Variants in DOCK2 observed in about 807,000 individuals in gnomAD.
DOCK2 encodes the protein dedicator of cytokinesis protein 2.
A neutral mutation model predicts 248.9 loss-of-function variants in DOCK2; 87 were observed. That is an observed-to-expected ratio of 0.35 (90% CI 0.29 to 0.42). The LOEUF (loss-of-function observed/expected upper bound fraction) is 0.42. Among genes scored for constraint, DOCK2 ranks in the 10% least tolerant of loss-of-function variants. The pLI is 1.00. For synonymous variants in DOCK2, 805 were observed against 821.6 expected (o/e 0.98, Z 0.35); for missense variants, 1,747 against 2,300.2 (o/e 0.76, Z 4.92).
At chr5:169,872,824 C>T (rs1408944499) in intron 27 of DOCK2, among the ~76,000 whole-genome samples, 4 of 152,216 alleles carry the variant, frequency 2.6e-5, no homozygotes, top group Non-Finnish European at 1.5e-5. Context: ...GGGCAGATCA[C>T]TTAACCTCTC....
At chr5:169,676,947 C>G (rs1030522587) in intron 6 of DOCK2, among the ~76,000 whole-genome samples, 6 of 152,132 alleles carry the variant, frequency 3.9e-5, no homozygotes. Context: ...CACTGTACAC[C>G]AGGCACCATT....
chr5:169,700,050 T>A lies in DOCK2; in HGVS notation c.1169T>A (p.Ile390Asn). The change falls in exon 13 of 52, where the codon ATC (isoleucine) becomes AAC (asparagine). Residue 390 changes from isoleucine (I) to asparagine (N), a missense_variant. This residue lies in a region of DOCK2 where 375 missense variants were observed against 510.9 expected (regional missense o/e 0.73). Transcript: ENST00000520908. ...ACCATGAAGATGCTGGTGGGTGACA[T>A]CATTCAGATTCGCAAGGACTATCCA... is the stretch of plus-strand genomic sequence containing the variant. Reference protein sequence around the residue: ...WVTMKMLVGDIIQIRKDYPHL... With the variant: ...WVTMKMLVGDNIQIRKDYPHL... The A allele has an allele frequency of 6.2e-7, 1 of 1,613,962 alleles. No individual in the cohort carries two copies. The highest frequency in any genetic ancestry group is 1.1e-5 in the South Asian group (1 of 91,080).
chr5:169,738,473 A>G (rs1378025112), intron 22 of DOCK2, among the ~76,000 whole-genome samples: 1 of 152,194 alleles, frequency 6.6e-6, no homozygotes, highest in Non-Finnish European at 1.5e-5. Context: ...GCAATTCAAG[A>G]TAGTCCCTTC....
At chr5:169,711,213 T>C (rs1761565897) in intron 15 of DOCK2, among the ~76,000 whole-genome samples, 1 of 152,230 alleles carries the variant, frequency 6.6e-6, no homozygotes, top group Admixed American at 6.5e-5. Context: ...AAAATCAGTG[T>C]CCTTCTCTCA....
chr5:169,850,041 C>T (rs751151302), intron 27 of DOCK2, among the ~76,000 whole-genome samples: 2 of 152,060 alleles, frequency 1.3e-5, no homozygotes, highest in Non-Finnish European at 1.5e-5. Context: ...GATTAGATGC[C>T]GAGAGTAAGG....
At chr5:170,057,274 A>G (rs1757164198) in intron 43 of DOCK2, 2 of 434,126 alleles carry the variant, frequency 4.6e-6, no homozygotes, top group Non-Finnish European at 8.5e-6. Flanking sequence ...TCTAATGAAC[A>G]CTGGGAACCC....
At chr5:170,007,671 C>T (rs1755094951) in intron 30 of DOCK2, among the ~76,000 whole-genome samples, 1 of 152,136 alleles carries the variant, frequency 6.6e-6, no homozygotes, top group African/African-American at 2.4e-5. Flanking sequence ...ATCTTTTGAG[C>T]AGTCACCATG....
chr5:170,028,860 G>A (rs547230900), intron 34 of DOCK2, among the ~76,000 whole-genome samples: 1 of 152,050 alleles, frequency 6.6e-6, no homozygotes, highest in East Asian at 1.9e-4. Flanking sequence ...TGTTTTCAAG[G>A]TTCATCCATG....
chr5:169,820,133 T>A (rs1481112397), intron 26 of DOCK2, among the ~76,000 whole-genome samples: 4 of 152,184 alleles, frequency 2.6e-5, no homozygotes, highest in Non-Finnish European at 5.9e-5. Context: ...AAGCTCAAAC[T>A]GGGTGGAGCC....
intron 10 of DOCK2, among the ~76,000 whole-genome samples, chr5:169,696,808 T>C (rs1760657669): frequency 6.6e-6 from 1 of 151,862 alleles, no homozygotes; most frequent in African/African-American, 2.4e-5. Context: ...TGGAGGATGT[T>C]TTACTGAGCT....
chr5:169,974,376 T>A (rs1777637824), intron 27 of DOCK2, among the ~76,000 whole-genome samples: 1 of 152,214 alleles, frequency 6.6e-6, no homozygotes, highest in South Asian at 2.1e-4. Flanking sequence ...TTCTCTTTCT[T>A]CTGGTTTTTT....
chr5:169,650,529 C>T (rs1757745663), intron 1 of DOCK2, among the ~76,000 whole-genome samples: 1 of 152,156 alleles, frequency 6.6e-6, no homozygotes, highest in Non-Finnish European at 1.5e-5. Flanking sequence ...ACCTTAGCTC[C>T]CTCTATTTGA....
chr5:169,941,093 A>G (rs564443224), intron 27 of DOCK2, among the ~76,000 whole-genome samples: 1 of 152,316 alleles, frequency 6.6e-6, no homozygotes, highest in South Asian at 2.1e-4. Flanking sequence ...TGAGTCTTTA[A>G]TCTCACAAAC....
At chr5:169,799,267 A>T (rs1307405996) in intron 25 of DOCK2, among the ~76,000 whole-genome samples, 2 of 152,222 alleles carry the variant, frequency 1.3e-5, no homozygotes, top group Non-Finnish European at 2.9e-5. Flanking sequence ...TTACTTTTCA[A>T]AGAGGAAGAC....
At position 170,033,141 on chromosome 5, in the gene DOCK2, A is replaced by G. The variant is rs1471454166; in HGVS notation, c.3468-1258A>G. Among the ~76,000 whole-genome samples the G allele has an allele frequency of 3.3e-5, 5 of 152,314 alleles. No individual in the cohort carries two copies. The East Asian group carries it at 9.7e-4, about 29-fold the overall frequency. Reference sequence around the variant, plus strand: ...ATTTCTTAAGAAAAGTGACTAGTACAGTGTCTGGCACAGAATAAGTAATTA... The same window carrying G: ...ATTTCTTAAGAAAAGTGACTAGTACGGTGTCTGGCACAGAATAAGTAATTA... On this transcript the variant is annotated intron_variant, in intron 34 of 51. Transcript: ENST00000520908.
intron 32 of DOCK2, among the ~76,000 whole-genome samples, chr5:170,013,467 A>G (rs1192794373): frequency 6.6e-6 from 1 of 152,056 alleles, no homozygotes; most frequent in Non-Finnish European, 1.5e-5. Flanking sequence ...GCATCCTTAT[A>G]GGTGAAAAAC....
chr5:169,886,972 G>A (rs772149131), intron 27 of DOCK2, among the ~76,000 whole-genome samples: 1 of 152,166 alleles, frequency 6.6e-6, no homozygotes, highest in African/African-American at 2.4e-5. Flanking sequence ...GTAGAGGCAG[G>A]TGCGATCAGT....
At chr5:169,748,176 T>C (rs1763715014) in intron 23 of DOCK2, among the ~76,000 whole-genome samples, 1 of 151,978 alleles carries the variant, frequency 6.6e-6, no homozygotes, top group Non-Finnish European at 1.5e-5. Context: ...TGCTTTTTTT[T>C]TTTAAATCAA....
intron 20 of DOCK2, among the ~76,000 whole-genome samples, chr5:169,716,955 A>G (rs1366036171): frequency 6.6e-6 from 1 of 152,210 alleles, no homozygotes; most frequent in African/African-American, 2.4e-5. Context: ...CTGTGGCTTA[A>G]TCAAGTGCTT....
Sources: allele counts gnomAD v4.1 joint callset (sites outside exome capture counted in the v4.1 genomes callset), GRCh38; gene constraint gnomAD v4.1.1; regional missense constraint gnomAD v4.1.1; transcripts MANE v1.5; gene names NCBI Gene and HGNC (gene_info 2026-07-23, HGNC 2026-07-21).